Variants in NFYC observed in about 807,000 individuals in gnomAD.
The protein encoded by NFYC is CAAT box DNA-binding protein subunit C.
NFYC carries 25 observed loss-of-function variants against 53.1 expected under a neutral mutation model. The ratio of observed to expected loss-of-function variants is 0.47; its 90% CI spans 0.34 to 0.66. NFYC has a LOEUF of 0.66. Among genes scored for constraint, NFYC ranks in the 30% least tolerant of loss-of-function variants. NFYC has a pLI of 0.01. For synonymous variants in NFYC, 145 were observed against 152.6 expected, an observed-to-expected ratio of 0.95 and a Z score of 0.37; for missense variants, 260 against 422.7, an observed-to-expected ratio of 0.62 and a Z score of 3.38.
chr1:40,749,439 C>T (rs1645791218), intron 3 of NFYC, 134 bp from the exon 4 acceptor site: 2 of 665,338 alleles, frequency 3.0e-6, no homozygotes, highest in South Asian at 1.8e-5. Flanking sequence ...TTTATTTTAC[C>T]TTGGAATCTC....
rs1456085532 is a variant in NFYC, at chr1:40,770,374, C to T, written c.889-335C>T. 8 of 1,532,782 alleles carry T rather than the reference C, an allele frequency of 5.2e-6. No individual in the cohort carries two copies. Among genetic ancestry groups the T allele is most frequent in the East Asian group, 2.5e-5 (1 of 40,630 alleles). The allele number at this position is 1,532,782 out of a possible 1,614,324, so 94.9% of individuals were successfully genotyped here. On this transcript the variant is annotated intron_variant, in intron 9 of 9. Transcript: ENST00000447388. The surrounding 1 kb of genome is among the most constrained non-coding windows in gnomAD (Gnocchi z 5.3). ...CTTCCAAGCTGCTGGTACAGTGGTT[C>T]GAATTGCTTGTGTTTGCCACAGAGG...
chr1:40,758,935 G>C (rs1646381623), intron 6 of NFYC, among the ~76,000 whole-genome samples: 1 of 152,188 alleles, frequency 6.6e-6, no homozygotes, highest in South Asian at 2.1e-4. Flanking sequence ...TGAGGGTAAA[G>C]TTCTGTGCTA....
intron 1 of NFYC, among the ~76,000 whole-genome samples, chr1:40,736,953 C>T (rs527841223): frequency 1.3e-5 from 2 of 151,672 alleles, no homozygotes; most frequent in East Asian, 3.9e-4. Context: ...TGGCGAAACC[C>T]CATCTTTACT....
intron 1 of NFYC, among the ~76,000 whole-genome samples, chr1:40,736,283 A>G (rs887042674): frequency 2.0e-5 from 3 of 152,220 alleles, no homozygotes; most frequent in African/African-American, 7.2e-5. Context: ...TTAGAAGGAA[A>G]AGGGAAGGAA....
At chr1:40,763,872 G>A (rs1646689298) in intron 7 of NFYC, among the ~76,000 whole-genome samples, 1 of 152,216 alleles carries the variant, frequency 6.6e-6, no homozygotes, top group Admixed American at 6.5e-5. Flanking sequence ...GGCCCTGTGA[G>A]GCAGTCCTGT....
Position 40,753,457 on chromosome 1 carries a change from C to CAAAATG in NFYC, c.387+221_387+226dup, listed in dbSNP as rs1465694764. 4.6e-5 allele frequency among the ~76,000 whole-genome samples: 7 copies of CAAAATG among 152,190 alleles called. No individual in the cohort carries two copies. In the East Asian group the frequency reaches 1.4e-3, roughly 29 times the overall value. ...GAAGTGGTATTTCAGTGAAAATAGA[C>CAAAATG]AAAATGAAAATGAAAGACTTTAGTT... On this transcript the variant is annotated intron_variant, in intron 5 of 9. Coordinates refer to ENST00000447388, the MANE Select transcript of NFYC (RefSeq NM_014223.5).
At chr1:40,743,900 T>C (rs997517810) in intron 2 of NFYC, among the ~76,000 whole-genome samples, 1 of 152,204 alleles carries the variant, frequency 6.6e-6, no homozygotes, top group Non-Finnish European at 1.5e-5. Context: ...CCAAGGACCT[T>C]ACTTTGAGTA....
In NFYC at chr1:40,753,254, G is replaced by A. The variant is rs1309427150; in HGVS notation, c.387+8G>A. 1 of 1,605,532 alleles carries A rather than the reference G, an allele frequency of 6.2e-7. No individual in the cohort carries two copies. The highest frequency in any genetic ancestry group is 1.3e-5 in the African/African-American group (1 of 74,752). ...AAACCTCCAAAGCGTCAGGTGAGCT[G>A]TGAAGGGATTGCAGTTGCTGCTGAC... On this transcript the variant is annotated splice_region_variant and intron_variant, in intron 5 of 9. Coordinates refer to ENST00000447388, the MANE Select transcript of NFYC (RefSeq NM_014223.5).
In NFYC at chr1:40,720,678, G is replaced by A. The variant is rs566811501; in HGVS notation, c.-8-18158G>A. On this transcript the variant is annotated intron_variant, in intron 1 of 9. Transcript: ENST00000447388. ...GCCCAGGAGTTTGAGACCAGCCTGGGCAAGATAGCAAGACCCTGTCTTTAC... is the reference window on the plus strand; with the variant it reads ...GCCCAGGAGTTTGAGACCAGCCTGGACAAGATAGCAAGACCCTGTCTTTAC... Among the ~76,000 whole-genome samples, 8 of 152,232 alleles carry A rather than the reference G, an allele frequency of 5.3e-5. No homozygotes were observed. In the South Asian group the frequency reaches 1.2e-3, roughly 24 times the overall value.
At chr1:40,731,975 G>C (rs1644796626) in intron 1 of NFYC, among the ~76,000 whole-genome samples, 1 of 152,166 alleles carries the variant, frequency 6.6e-6, no homozygotes. Flanking sequence ...TATATGTTTG[G>C]CTTAAGTTGC....
rs143677384 is a variant in NFYC at position 40,738,426 on chromosome 1, G to A, written c.-8-410G>A. 3.9e-4 allele frequency among the ~76,000 whole-genome samples: 59 copies of A among 152,326 alleles called. No homozygotes were observed. In the East Asian group the frequency reaches 0.011, roughly 28 times the overall value. On this transcript the variant is annotated intron_variant, in intron 1 of 9. Transcript: ENST00000447388. ...AGAATTTGCTGAAGGCTGTGGCATG[G>A]AGGATGAGAAGCCACAGAGAACTTG...
At chr1:40,736,235 G>T (rs1303534499) in intron 1 of NFYC, among the ~76,000 whole-genome samples, 1 of 151,960 alleles carries the variant, frequency 6.6e-6, no homozygotes, top group Non-Finnish European at 1.5e-5. Context: ...GGCTTGTATT[G>T]TTGTTTTCCT....
At chr1:40,712,075 A>G (rs1471595337) in intron 1 of NFYC, among the ~76,000 whole-genome samples, 1 of 152,214 alleles carries the variant, frequency 6.6e-6, no homozygotes, top group Non-Finnish European at 1.5e-5. Flanking sequence ...AGAGCTACAT[A>G]ATATTAGTTG....
At chr1:40,708,008 G>A (rs1643803383) in intron 1 of NFYC, among the ~76,000 whole-genome samples, 1 of 151,948 alleles carries the variant, frequency 6.6e-6, no homozygotes, top group Admixed American at 6.6e-5. Context: ...ACCAACCATG[G>A]GTCAAAAATA....
intron 4 of NFYC, 83 bp downstream of exon 4, chr1:40,749,769 G>T: frequency 8.8e-7 from 1 of 1,141,824 alleles, no homozygotes; most frequent in Non-Finnish European, 1.3e-6. Flanking sequence ...GAGAAAGATT[G>T]TTCTCCTTTA....
chr1:40,705,906 T>C (rs1477085450), intron 1 of NFYC, among the ~76,000 whole-genome samples: 2 of 152,046 alleles, frequency 1.3e-5, no homozygotes, highest in Non-Finnish European at 2.9e-5. Flanking sequence ...CCACCACACC[T>C]AGCTAATTTT....
rs935034517 is a variant in NFYC, at chr1:40,712,882, A to T, written c.-9+21015A>T. 3 of 151,724 alleles carry T rather than the reference A, an allele frequency of 2.0e-5. No individual in the cohort carries two copies. In the East Asian group the frequency reaches 5.8e-4, roughly 29 times the overall value. The allele number at this position is 151,724 out of a possible 1,614,324, so 9.4% of individuals were successfully genotyped here. A position where few individuals can be genotyped will look rare whatever the true frequency, so the allele number is the denominator to read the frequency against. Reference sequence around the variant, plus strand: ...TTATTTATTTTTATTTTTATTTTTAAATACAGACGGGGTCTTGATTTGTTG... The same window carrying T: ...TTATTTATTTTTATTTTTATTTTTATATACAGACGGGGTCTTGATTTGTTG... On this transcript the variant is annotated intron_variant, in intron 1 of 9. Coordinates refer to ENST00000447388, the MANE Select transcript of NFYC (RefSeq NM_014223.5).
intron 1 of NFYC, among the ~76,000 whole-genome samples, chr1:40,727,157 T>C (rs1279571668): frequency 6.6e-6 from 1 of 152,224 alleles, no homozygotes; most frequent in Non-Finnish European, 1.5e-5. Context: ...CTCCTGTTAA[T>C]GTTTATATTT....
intron 1 of NFYC, among the ~76,000 whole-genome samples, chr1:40,718,860 TTTTTG>T (rs370129441): frequency 1.4e-4 from 21 of 152,244 alleles, no homozygotes; most frequent in South Asian, 1.0e-3. Context: ...ATGGTGGTTT[TTTTTG>T]TTTTGTTTTG....
Sources: allele counts gnomAD v4.1 joint callset (sites outside exome capture counted in the v4.1 genomes callset), GRCh38; gene constraint gnomAD v4.1.1; non-coding constraint Gnocchi (gnomAD v3.1); transcripts MANE v1.5; gene names NCBI Gene and HGNC (gene_info 2026-07-23, HGNC 2026-07-21).